Variants in ATG4B observed in about 807,000 individuals in gnomAD.
ATG4B encodes the protein cysteine protease ATG4B.
Under a neutral mutation model 56.6 loss-of-function variants are expected in ATG4B, and 29 were observed. The observed-to-expected ratio is 0.51, with a 90% CI of 0.38 to 0.70. ATG4B has a LOEUF of 0.70. ATG4B is among the 30% of genes least tolerant of loss of function. ATG4B has a pLI of 0.00. For missense variants in ATG4B, 461 were observed against 515.5 expected, an observed-to-expected ratio of 0.89 and a Z score of 1.02; for synonymous variants, 224 against 206.1, an observed-to-expected ratio of 1.09 and a Z score of -0.74.
chr2:241,637,731 A>G lies in ATG4B; in HGVS notation c.10+7A>G, dbSNP rs768993153. ...ACTGGGAAGATGGACGCAGGTGAGGAGTTGCCGGGGGTCGGTCTTTCCGCA... is the reference window on the plus strand; with the variant it reads ...ACTGGGAAGATGGACGCAGGTGAGGGGTTGCCGGGGGTCGGTCTTTCCGCA... On this transcript the variant is annotated splice_region_variant and intron_variant, in intron 1 of 12. Coordinates refer to ENST00000404914, the MANE Select transcript of ATG4B (RefSeq NM_013325.5). The G allele has an allele frequency of 1.1e-5, 18 of 1,576,380 alleles. No homozygotes were observed. Among genetic ancestry groups the G allele is most frequent in the Middle Eastern group, 1.7e-4 (1 of 5,868 alleles).
At chr2:241,648,964 C>T (rs1180034370) in intron 1 of ATG4B, among the ~76,000 whole-genome samples, 4 of 152,240 alleles carry the variant, frequency 2.6e-5, no homozygotes, top group African/African-American at 7.2e-5. Flanking sequence ...ACAGAGCGGA[C>T]ATTGCAGCCC....
In ATG4B at chr2:241,653,177, T is replaced by G. The variant is rs1234044176; in HGVS notation, c.185-335T>G. ...GTTTGAATTTCTGCCTTTCTGATAA[T>G]TGGAAAATGCGTTGTTTTGTTTAAC... On this transcript the variant is annotated intron_variant, in intron 3 of 12. Transcript: ENST00000404914. 4.7e-6 allele frequency: 3 copies of G among 634,972 alleles called. No homozygotes were observed. The East Asian group carries it at 1.3e-4, about 27-fold the overall frequency. The allele number at this position is 634,972 out of a possible 1,614,324, so 39.3% of individuals were successfully genotyped here.
At chr2:241,670,253 T>G (rs2068920465) in intron 10 of ATG4B, among the ~76,000 whole-genome samples, 1 of 151,998 alleles carries the variant, frequency 6.6e-6, no homozygotes, top group Non-Finnish European at 1.5e-5. Context: ...GCCGGTCCCC[T>G]GTCTCCTGGC....
At chr2:241,640,387 T>C (rs2125109733) in intron 1 of ATG4B, among the ~76,000 whole-genome samples, 2 of 152,362 alleles carry the variant, frequency 1.3e-5, no homozygotes, top group Non-Finnish European at 2.9e-5. Flanking sequence ...AGATGATTAA[T>C]GATCTGCCCT....
intron 6 of ATG4B, among the ~76,000 whole-genome samples, chr2:241,658,629 C>T (rs527338631): frequency 2.6e-5 from 4 of 152,350 alleles, no homozygotes; most frequent in East Asian, 1.9e-4. Context: ...TCCTCACTGG[C>T]GTGCACAGTC....
chr2:241,646,859 T>C (rs941657478), intron 1 of ATG4B, among the ~76,000 whole-genome samples: 5 of 150,736 alleles, frequency 3.3e-5, no homozygotes, highest in African/African-American at 1.2e-4. Context: ...CTCAGGTCAC[T>C]GCAGCCTCCG....
At position 241,651,285 on chromosome 2, in the gene ATG4B, A is replaced by T; in HGVS notation, c.134A>T (p.Asp45Val). Residue 45 changes from aspartate to valine, a missense_variant, in exon 3 of 13, where the codon GAT (aspartate) becomes GTT (valine). By Grantham distance (152) the Asp-to-Val change is radical. Transcript: ENST00000404914. The surrounding 1 kb of genome is among the most constrained non-coding windows in gnomAD (Gnocchi z 4.1). ...IFTEKDEILS[D>V]VASRLWFTYR... is the part of the protein sequence containing the mutation. ...CTAGAAAAGGACGAGATCTTGTCTG[A>T]TGTGGCATCTAGACTTTGGTTTACA... The T allele has an allele frequency of 6.2e-7, 1 of 1,602,676 alleles. No individual in the cohort carries two copies.
chr2:241,669,026 C>T (rs186446610), intron 10 of ATG4B, among the ~76,000 whole-genome samples: 7 of 109,712 alleles, frequency 6.4e-5, no homozygotes, highest in Non-Finnish European at 1.1e-4. Context: ...AACACACGGG[C>T]GGCCCCTCCA....
chr2:241,651,143 G>C lies in ATG4B; in HGVS notation c.112+32G>C, dbSNP rs377120262. 1.3e-6 allele frequency: 2 copies of C among 1,590,984 alleles called. No homozygotes were observed. Among genetic ancestry groups the C allele is most frequent in the African/African-American group, 2.7e-5 (2 of 74,454 alleles). The stretch of plus-strand genomic sequence containing the variant: ...GCCATGCTGGAGCCCACCCTGGTCT[G>C]ACCGCTTGGCCTGCAGAAGCATTTT... On this transcript the variant is annotated intron_variant, in intron 2 of 12. Coordinates refer to ENST00000404914, the MANE Select transcript of ATG4B (RefSeq NM_013325.5). The surrounding 1 kb of genome is among the most constrained non-coding windows in gnomAD (Gnocchi z 4.1).
intron 5 of ATG4B, 163 bp from the exon 6 acceptor site, chr2:241,655,108 G>T: frequency 1.5e-6 from 1 of 652,400 alleles, no homozygotes. Context: ...GACCTTGTTT[G>T]CCCCCTCATG....
At chr2:241,647,366 C>A (rs972357425) in intron 1 of ATG4B, among the ~76,000 whole-genome samples, 3 of 149,178 alleles carry the variant, frequency 2.0e-5, no homozygotes, top group Admixed American at 2.0e-4. Flanking sequence ...CGCCTGTAAT[C>A]CCAGCACTTT....
At chr2:241,671,239 G>A (rs532946827) in intron 11 of ATG4B, 73 bp from the exon 12 acceptor site, 41 of 1,366,804 alleles carry the variant, frequency 3.0e-5, no homozygotes, top group Middle Eastern at 2.0e-4. Flanking sequence ...GGCTGTGGCC[G>A]GCTGGCCCCT....
Position 241,651,406 on chromosome 2 carries a change from G to T in ATG4B, c.184+71G>T, listed in dbSNP as rs2068226325. 50 of 1,210,706 alleles carry T rather than the reference G, an allele frequency of 4.1e-5. No individual in the cohort carries two copies. The highest frequency in any genetic ancestry group is 5.9e-5 in the Non-Finnish European group (50 of 851,270). The allele number at this position is 1,210,706 out of a possible 1,614,324, so 75.0% of individuals were successfully genotyped here. On this transcript the variant is annotated intron_variant, in intron 3 of 12. Coordinates refer to ENST00000404914, the MANE Select transcript of ATG4B (RefSeq NM_013325.5). This position sits in a 1 kb window ranked among gnomAD's most constrained non-coding sequence, Gnocchi z 4.1. ...GGAAGGAGGAAAACTTACGCTTGTAGATTTGACTTCAATATGCCACTGACT... is the reference window on the plus strand; with the variant it reads ...GGAAGGAGGAAAACTTACGCTTGTATATTTGACTTCAATATGCCACTGACT...
intron 3 of ATG4B, 152 bp from the exon 4 acceptor site, chr2:241,653,360 G>T: frequency 6.5e-7 from 1 of 1,550,306 alleles, no homozygotes; most frequent in Non-Finnish European, 8.7e-7. Context: ...GCGTTACTGA[G>T]TCCTAAGAGG....
At chr2:241,641,747 T>C (rs1416821729) in intron 1 of ATG4B, among the ~76,000 whole-genome samples, 1 of 152,080 alleles carries the variant, frequency 6.6e-6, no homozygotes, top group Non-Finnish European at 1.5e-5. Context: ...GGAGATAGAC[T>C]GGAGGTCACA....
At chr2:241,654,451 A>G (rs1450427826) in intron 4 of ATG4B, 95 bp from the exon 5 acceptor site, 19 of 784,634 alleles carry the variant, frequency 2.4e-5, no homozygotes, top group Middle Eastern at 2.3e-4. Context: ...AAGATTCTGA[A>G]AAAGGTTTGG....
intron 4 of ATG4B, 115 bp downstream of exon 4, chr2:241,653,725 G>A: frequency 2.3e-6 from 2 of 879,938 alleles, no homozygotes; most frequent in South Asian, 1.8e-5. Context: ...GTAGAACTTG[G>A]GGGTTTCTTG....
rs967101836 is a variant in ATG4B at position 241,660,169 on chromosome 2, A to G, written c.538+982A>G. On this transcript the variant is annotated intron_variant, in intron 7 of 12. Coordinates refer to ENST00000404914, the MANE Select transcript of ATG4B (RefSeq NM_013325.5). ...CACGCCACTGCACTCCAGCCTGGCC[A>G]CAGAGCGAGAATCCGTCCCCCGCCC... Among the ~76,000 whole-genome samples the G allele has an allele frequency of 1.3e-4, 20 of 152,144 alleles. 1 individual carries two copies. Among genetic ancestry groups the G allele is most frequent in the Non-Finnish European group, 1.6e-4 (11 of 68,018 alleles).
intron 6 of ATG4B, among the ~76,000 whole-genome samples, chr2:241,656,152 G>T (rs1196934479): frequency 6.6e-6 from 1 of 152,034 alleles, no homozygotes; most frequent in East Asian, 1.9e-4. Context: ...AGGCCCTCAG[G>T]CATCCCACGT....
Sources: gnomAD v4.1 joint callset for allele counts (sites outside exome capture counted in the v4.1 genomes callset) on GRCh38, gnomAD v4.1.1 for gene constraint, Gnocchi (gnomAD v3.1) non-coding constraint, MANE v1.5 for transcripts, NCBI Gene and HGNC (gene_info 2026-07-23, HGNC 2026-07-21) for gene names.